Variants in CELSR3 observed in about 807,000 individuals in gnomAD.
CELSR3 encodes EGF-like protein 1.
CELSR3 carries 73 observed loss-of-function variants against 270.0 expected under a neutral mutation model. The ratio of observed to expected loss-of-function variants is 0.27; its 90% CI spans 0.22 to 0.33. CELSR3 has a LOEUF of 0.33. Ranked by LOEUF, CELSR3 falls within the 10% of genes least tolerant of loss-of-function variation. The probability of loss-of-function intolerance (pLI) is 1.00; values close to 1 mark genes in which losing one functional copy is unlikely to be tolerated. For missense variants in CELSR3, 3,614 were observed against 4,533.8 expected (o/e 0.80, Z 5.83); for synonymous variants, 1,780 against 1,905.4 (o/e 0.93, Z 1.71).
In CELSR3 at chr3:48,650,196, C is replaced by T. The variant is rs2047124306; in HGVS notation, c.6472+284G>A. 3 of 555,364 alleles carry T rather than the reference C, an allele frequency of 5.4e-6. No individual in the cohort carries two copies. The highest frequency in any genetic ancestry group is 3.1e-5 in the South Asian group (2 of 65,494). 34.4% of individuals were successfully genotyped at this position (555,364 alleles called of 1,614,324 possible). On this transcript the variant is annotated intron_variant, in intron 16 of 34. Transcript: ENST00000164024. This position sits in a 1 kb window ranked among gnomAD's most constrained non-coding sequence, Gnocchi z 5.1. ...GGCAGCAGGGAGGGGTCTGCAGGGA[C>T]CTCAGGCAGCAGGAGGGGTCTGCAA... is the stretch of plus-strand genomic sequence containing the variant.
At position 48,656,923 on chromosome 3, in the gene CELSR3, A is replaced by C; in HGVS notation, c.4174T>G (p.Ser1392Ala). 1.2e-6 allele frequency: 2 copies of C among 1,611,504 alleles called. No individual in the cohort carries two copies. The highest frequency in any genetic ancestry group is 1.7e-6 in the Non-Finnish European group (2 of 1,178,800). ...GCGGACGAGTCAAAGCGGAGCACGG[A>C]CACGCATTTCATGTAGTTCTCACAG... is the stretch of plus-strand genomic sequence containing the variant. ...EPCENYMKCVSVLRFDSSAPF... is the reference protein window; with the variant it reads ...EPCENYMKCVAVLRFDSSAPF... The change falls in exon 2 of 35, where the codon TCC (serine) becomes GCC (alanine). Residue 1392 changes from serine (S) to alanine (A), a missense_variant. Around this residue, in one of 7 missense-constraint regions of CELSR3, gnomAD observed 1,331 missense variants for 1,933.7 expected, o/e 0.69. Transcript: ENST00000164024.
At chr3:48,649,431 G>C (rs2047117246) in intron 16 of CELSR3, among the ~76,000 whole-genome samples, 1 of 152,228 alleles carries the variant, frequency 6.6e-6, no homozygotes, top group African/African-American at 2.4e-5. Context: ...TTCTCAACCA[G>C]CAACCACACA....
Position 48,643,539 on chromosome 3 carries a change from G to C in CELSR3, c.8289+15C>G. On this transcript the variant is annotated intron_variant, in intron 28 of 34. Coordinates refer to ENST00000164024, the MANE Select transcript of CELSR3 (RefSeq NM_001407.3). ...CCCACCTGGTTCTGGGGCAAGGGAG[G>C]GGCACCAGAGTCACCTGGAGGCCGC... is the stretch of plus-strand genomic sequence containing the variant. 6.5e-7 allele frequency: 1 copy of C among 1,547,866 alleles called. No individual in the cohort carries two copies. The highest frequency in any genetic ancestry group is 8.7e-7 in the Non-Finnish European group (1 of 1,145,364).
chr3:48,650,160 C>T lies in CELSR3; in HGVS notation c.6472+320G>A, dbSNP rs2047124103. On this transcript the variant is annotated intron_variant, in intron 16 of 34. Transcript: ENST00000164024. The surrounding 1 kb of genome is among the most constrained non-coding windows in gnomAD (Gnocchi z 5.1). ...TACTCAGATAGCCAGAAGGGGCCTGCAGGGACTTTAGGCAGCAGGGAGGGG... is the reference window on the plus strand; with the variant it reads ...TACTCAGATAGCCAGAAGGGGCCTGTAGGGACTTTAGGCAGCAGGGAGGGG... 1 of 500,168 alleles carries T rather than the reference C, an allele frequency of 2.0e-6. No individual in the cohort carries two copies. Among genetic ancestry groups the T allele is most frequent in the East Asian group, 5.5e-5 (1 of 18,134 alleles). 31.0% of individuals were successfully genotyped at this position (500,168 alleles called of 1,614,324 possible).
chr3:48,641,772 C>A lies in CELSR3; in HGVS notation c.8824+79G>T. The A allele has an allele frequency of 7.4e-7, 1 of 1,347,634 alleles. No homozygotes were observed. The allele number at this position is 1,347,634 out of a possible 1,614,324, so 83.5% of individuals were successfully genotyped here. A position where few individuals can be genotyped will look rare whatever the true frequency, so the allele number is the denominator to read the frequency against. Reference sequence around the variant, plus strand: ...CAGAAAGACCAGGATGAACCCCAACCGCAGGAAAGATGGGGAGCTGGAGGG... The same window carrying A: ...CAGAAAGACCAGGATGAACCCCAACAGCAGGAAAGATGGGGAGCTGGAGGG... On this transcript the variant is annotated intron_variant, in intron 32 of 34. Coordinates refer to ENST00000164024, the MANE Select transcript of CELSR3 (RefSeq NM_001407.3). This position sits in a 1 kb window ranked among gnomAD's most constrained non-coding sequence, Gnocchi z 4.8.
chr3:48,656,801 G>A lies in CELSR3; in HGVS notation c.4296C>T (p.Cys1432=). ...RCPPGFTGDF[C]ETELDLCYSN... is the part of the protein sequence containing the mutation. ...AGTAGCAGAGGTCGAGCTCGGTCTC[G>A]CAAAAGTCTCCCGTGAATCCGGGCG... The change falls in exon 2 of 35, where the codon TGC becomes TGT. Residue 1432 remains cysteine, a synonymous_variant. Transcript: ENST00000164024. 1 of 1,603,474 alleles carries A rather than the reference G, an allele frequency of 6.2e-7. No individual in the cohort carries two copies. Among genetic ancestry groups the A allele is most frequent in the Non-Finnish European group, 8.5e-7 (1 of 1,174,598 alleles).
Position 48,644,330 on chromosome 3 carries a change from GGC to G in CELSR3, c.8086-37_8086-36del, listed in dbSNP as rs775966439. The G allele has an allele frequency of 6.3e-7, 1 of 1,584,962 alleles. No individual in the cohort carries two copies. Among genetic ancestry groups the G allele is most frequent in the South Asian group, 1.1e-5 (1 of 90,468 alleles). Reference sequence around the variant, plus strand: ...CGGCCAGACATGTGGGGCCGGGCAGGGCAGAGAGAGAGAGAGAGAGAGAGGCA... The same window carrying G: ...CGGCCAGACATGTGGGGCCGGGCAGGAGAGAGAGAGAGAGAGAGAGAGGCA... On this transcript the variant is annotated intron_variant, in intron 26 of 34. Coordinates refer to ENST00000164024, the MANE Select transcript of CELSR3 (RefSeq NM_001407.3). This position sits in a 1 kb window ranked among gnomAD's most constrained non-coding sequence, Gnocchi z 4.8.
chr3:48,640,837 C>A lies in CELSR3; in HGVS notation c.9026-278G>T. On this transcript the variant is annotated intron_variant, in intron 33 of 34. Coordinates refer to ENST00000164024, the MANE Select transcript of CELSR3 (RefSeq NM_001407.3). The surrounding 1 kb of genome is among the most constrained non-coding windows in gnomAD (Gnocchi z 7.5). ...GGGGATGGGGCAAACTCCCTGAGGT[C>A]AGAAGAGGGGCAGCCCTCAGGTCCT... The A allele has an allele frequency of 1.9e-6, 1 of 523,416 alleles. No individual in the cohort carries two copies. The highest frequency in any genetic ancestry group is 3.4e-6 in the Non-Finnish European group (1 of 296,340). 32.4% of individuals were successfully genotyped at this position (523,416 alleles called of 1,614,324 possible). A position where few individuals can be genotyped will look rare whatever the true frequency, so the allele number is the denominator to read the frequency against.
At position 48,660,817 on chromosome 3, in the gene CELSR3, T is replaced by C; in HGVS notation, c.1818A>G (p.Ala606=). The stretch of plus-strand genomic sequence containing the variant: ...CTCTCTCTGCCTCGAAGTCCAGAGG[T>C]GCCACCACCTGGATCTCGCCAGTGA... ...DSLTGEIQVV[A]PLDFEAEREY... The change falls in exon 1 of 35, where the codon GCA becomes GCG. Residue 606 remains alanine (A), a synonymous_variant. Transcript: ENST00000164024. The surrounding 1 kb of genome is among the most constrained non-coding windows in gnomAD (Gnocchi z 5.5). The C allele has an allele frequency of 6.2e-7, 1 of 1,614,046 alleles. No homozygotes were observed.
Position 48,640,132 on chromosome 3 carries a change from C to T in CELSR3, c.9453G>A (p.Glu3151=), listed in dbSNP as rs751433890. 2 of 1,612,204 alleles carry T rather than the reference C, an allele frequency of 1.2e-6. No individual in the cohort carries two copies. The highest frequency in any genetic ancestry group is 2.7e-5 in the African/African-American group (2 of 74,918). The change falls in exon 34 of 35, where the codon GAG becomes GAA. Residue 3151 remains glutamate, a synonymous_variant. Transcript: ENST00000164024. The surrounding 1 kb of genome is among the most constrained non-coding windows in gnomAD (Gnocchi z 7.5). ...GGGGCGGAGGCAGCGTGCTCAACCA[C>T]TCTCGAGGTGCCCCTAAGTCGAGCG... The part of the protein sequence containing the change: ...RDALDLGAPR[E]WLSTLPPPRR...
rs2077040569 is a variant in CELSR3, at chr3:48,658,482, T to A, written c.3748+405A>T. 6.6e-6 allele frequency among the ~76,000 whole-genome samples: 1 copy of A among 152,146 alleles called. No individual in the cohort carries two copies. Among genetic ancestry groups the A allele is most frequent in the African/African-American group, 2.4e-5 (1 of 41,432 alleles). ...AAGTATTGGTCATTTCCTGCACAGA[T>A]AGGGTAAGCGTCAGACTGGACCCAA... On this transcript the variant is annotated intron_variant, in intron 1 of 34. Transcript: ENST00000164024. This position sits in a 1 kb window ranked among gnomAD's most constrained non-coding sequence, Gnocchi z 4.7.
At chr3:48,656,501 G>A (rs2106718069) in intron 2 of CELSR3, 136 bp from the exon 3 acceptor site, 1 of 1,118,458 alleles carries the variant, frequency 8.9e-7, no homozygotes, top group South Asian at 1.8e-5. Flanking sequence ...CGCCCCTTCC[G>A]TCTGGCCCCG....
At position 48,657,028 on chromosome 3, in the gene CELSR3, A is replaced by G; in HGVS notation, c.4069T>C (p.Tyr1357His). The change falls in exon 2 of 35, where the codon TAC becomes CAC. Residue 1357 changes from tyrosine to histidine, a missense_variant. By Grantham distance (83) the Tyr-to-His change is moderately conservative. This residue lies in a region of CELSR3 where 1,331 missense variants were observed against 1,933.7 expected (regional missense o/e 0.69). Coordinates refer to ENST00000164024, the MANE Select transcript of CELSR3 (RefSeq NM_001407.3). This position sits in a 1 kb window ranked among gnomAD's most constrained non-coding sequence, Gnocchi z 5.4. ...GCCGCCAGCGCCGCCCGGCGCACGT[A>G]CAACTGCTCCTGCAGCTCCTCGGAG... ...FSSEELQEQL[Y>H]VRRAALAARS... The G allele has an allele frequency of 6.2e-7, 1 of 1,613,612 alleles. No homozygotes were observed. Among genetic ancestry groups the G allele is most frequent in the Non-Finnish European group, 8.5e-7 (1 of 1,179,842 alleles).
rs1039767532 is a variant in CELSR3 at position 48,636,577 on chromosome 3, C to T, written c.*1628G>A. 4.6e-5 allele frequency: 7 copies of T among 152,264 alleles called. No homozygotes were observed. The highest frequency in any genetic ancestry group is 2.6e-4 in the Admixed American group (4 of 15,296). 9.4% of individuals were successfully genotyped at this position (152,264 alleles called of 1,614,324 possible). A position where few individuals can be genotyped will look rare whatever the true frequency, so the allele number is the denominator to read the frequency against. On this transcript the variant is annotated 3_prime_UTR_variant, in exon 35 of 35. Coordinates refer to ENST00000164024, the MANE Select transcript of CELSR3 (RefSeq NM_001407.3). Reference sequence around the variant, plus strand: ...GGGGAACCCCAGAGAGGGGCATCTACGAAACCTAGGACATAGTAAAGACAC... The same window carrying T: ...GGGGAACCCCAGAGAGGGGCATCTATGAAACCTAGGACATAGTAAAGACAC...
chr3:48,649,495 T>C (rs545915259), intron 16 of CELSR3, among the ~76,000 whole-genome samples: 2 of 152,316 alleles, frequency 1.3e-5, no homozygotes, highest in South Asian at 2.1e-4. Context: ...GACTGGCTCA[T>C]AGATGTGCTG....
Position 48,641,973 on chromosome 3 carries a change from T to C in CELSR3, c.8702A>G (p.Glu2901Gly). ...TGGAATGGAGAGACTCCTCTCCTCC[T>C]CCAAGGACAGGTCACTGTCAGAGTC... is the stretch of plus-strand genomic sequence containing the variant. The part of the protein sequence containing the change: ...DSDSDSDLSL[E>G]EERSLSIPSS... Residue 2901 changes from glutamate (E) to glycine (G), a missense_variant, in exon 32 of 35, where the codon GAG becomes GGG. Physicochemically the swap from Glu to Gly is moderately conservative, Grantham distance 98 (BLOSUM62 -2). Coordinates refer to ENST00000164024, the MANE Select transcript of CELSR3 (RefSeq NM_001407.3). This position sits in a 1 kb window ranked among gnomAD's most constrained non-coding sequence, Gnocchi z 4.8. The C allele has an allele frequency of 6.3e-7, 1 of 1,578,996 alleles. No homozygotes were observed. Among genetic ancestry groups the C allele is most frequent in the Admixed American group, 2.0e-5 (1 of 51,238 alleles).
intron 28 of CELSR3, 150 bp downstream of exon 28, chr3:48,643,404 G>A: frequency 9.2e-7 from 1 of 1,087,044 alleles, no homozygotes; most frequent in Admixed American, 2.8e-5. Flanking sequence ...CAGCAGCTAG[G>A]GCCAGTGTCT....
rs1278931854 is a variant in CELSR3 at position 48,642,510 on chromosome 3, T to C, written c.8556-43A>G. ...CCCCCACCATGAAAGAGGGATGTGA[T>C]GGGGTGCCTTGGAGGCTGGAGTGTC... is the stretch of plus-strand genomic sequence containing the variant. On this transcript the variant is annotated intron_variant, in intron 30 of 34. Coordinates refer to ENST00000164024, the MANE Select transcript of CELSR3 (RefSeq NM_001407.3). This position sits in a 1 kb window ranked among gnomAD's most constrained non-coding sequence, Gnocchi z 6.1. 6.3e-7 allele frequency: 1 copy of C among 1,586,144 alleles called. No individual in the cohort carries two copies. The highest frequency in any genetic ancestry group is 1.1e-5 in the South Asian group (1 of 87,952).
In CELSR3 at chr3:48,659,001, G is replaced by A. The variant is rs1559481687; in HGVS notation, c.3634C>T (p.Arg1212Cys). Residue 1212 changes from arginine to cysteine, a missense_variant, in exon 1 of 35, where the codon CGT becomes TGT. Around this residue, in one of 7 missense-constraint regions of CELSR3, gnomAD observed 1,331 missense variants for 1,933.7 expected, o/e 0.69. Transcript: ENST00000164024. The surrounding 1 kb of genome is among the most constrained non-coding windows in gnomAD (Gnocchi z 8.1). ...ACCAGCAGCTGCAGCTCATTGCCAC[G>A]CTCAAAGGAGTAGAAGAGGTGGTCG... is the stretch of plus-strand genomic sequence containing the variant. ...VSDHLFYSFE[R>C]GNELQLLVVN... is the part of the protein sequence containing the mutation. 4 of 1,614,054 alleles carry A rather than the reference G, an allele frequency of 2.5e-6. No homozygotes were observed. Among genetic ancestry groups the A allele is most frequent in the South Asian group, 1.1e-5 (1 of 91,086 alleles).
Sources: gnomAD v4.1 joint callset for allele counts (sites outside exome capture counted in the v4.1 genomes callset) on GRCh38, gnomAD v4.1.1 for gene constraint, gnomAD v4.1.1 regional missense constraint, Gnocchi (gnomAD v3.1) non-coding constraint, MANE v1.5 for transcripts, NCBI Gene and HGNC (gene_info 2026-07-23, HGNC 2026-07-21) for gene names.